Variants in MRTFB observed in about 807,000 individuals in gnomAD.
MRTFB encodes the protein myocardin related transcription factor B.
A neutral mutation model predicts 104.2 loss-of-function variants in MRTFB; 29 were observed. That is an observed-to-expected ratio of 0.28 (90% CI 0.21 to 0.38). The LOEUF (loss-of-function observed/expected upper bound fraction) is 0.38, where lower values mean the gene tolerates loss of function less well. Among genes scored for constraint, MRTFB ranks in the 10% least tolerant of loss-of-function variants. The pLI is 1.00. For synonymous variants in MRTFB, 535 were observed against 519.5 expected (o/e 1.03, Z -0.41); for missense variants, 1,270 against 1,341.6 (o/e 0.95, Z 0.83).
intron 4 of MRTFB, 72 bp from the exon 5 acceptor site, chr16:14,212,282 C>A: frequency 6.9e-7 from 1 of 1,440,356 alleles, no homozygotes; most frequent in Non-Finnish European, 9.7e-7. Context: ...GGGTTATCAC[C>A]ATGGTATACT....
intron 3 of MRTFB, chr16:14,153,241 T>A (rs1358196602): frequency 6.6e-6 from 1 of 152,164 alleles, no homozygotes; most frequent in African/African-American, 2.4e-5. Context: ...AAAAGATAAA[T>A]GTGTGTGTTA....
intron 8 of MRTFB, among the ~76,000 whole-genome samples, chr16:14,228,972 T>C (rs766819831): frequency 3.4e-4 from 51 of 152,226 alleles, no homozygotes; most frequent in Non-Finnish European, 6.3e-4. Context: ...CTTGGGAACA[T>C]GAACAAGTCT....
intron 3 of MRTFB, among the ~76,000 whole-genome samples, chr16:14,207,498 C>A (rs1017276928): frequency 6.6e-6 from 1 of 152,136 alleles, no homozygotes; most frequent in African/African-American, 2.4e-5. Context: ...TGGTCTTAGT[C>A]CCCAGTTCTT....
At chr16:14,000,468 T>C in the MRTFB span, among the ~76,000 whole-genome samples, 1 of 152,088 alleles carries the variant, frequency 6.6e-6, no homozygotes, top group Admixed American at 6.6e-5. Flanking sequence ...AGGGCCGGGG[T>C]CTCCCCATTT....
chr16:14,091,693 A>T (rs1204340493), intron 2 of MRTFB, among the ~76,000 whole-genome samples: 1 of 152,112 alleles, frequency 6.6e-6, no homozygotes, highest in Non-Finnish European at 1.5e-5. Context: ...AATAAGGGAA[A>T]GGTCAAGAAT....
intron 2 of MRTFB, among the ~76,000 whole-genome samples, chr16:14,105,478 G>A (rs2035926288): frequency 6.6e-6 from 1 of 151,850 alleles, no homozygotes; most frequent in Non-Finnish European, 1.5e-5. Context: ...GCTCACTGCA[G>A]CCTTAAACTC....
rs138917129 is a variant in MRTFB, at chr16:14,218,930, G to C, written c.625G>C (p.Ala209Pro). The change falls in exon 8 of 17, where the codon GCC becomes CCC. Residue 209 changes from alanine (A) to proline (P), a missense_variant. This residue lies in a region of MRTFB where 1,144 missense variants were observed against 1,131.5 expected (regional missense o/e 1.01). Coordinates refer to ENST00000571589, the MANE Select transcript of MRTFB (RefSeq NM_001308142.2). ...TGCGAGTCAGGAGTCACAGGGGTCA[G>C]CCGCGTCCCCAAGTGAGCCAAAAGT... ...QPASQESQGS[A>P]ASPSEPKVSE... 1.2e-6 allele frequency: 2 copies of C among 1,614,116 alleles called. No individual in the cohort carries two copies. Among genetic ancestry groups the C allele is most frequent in the East Asian group, 2.2e-5 (1 of 44,886 alleles).
chr16:14,069,030 T>C (rs960473331), upstream of MRTFB, among the ~76,000 whole-genome samples: 4 of 141,184 alleles, frequency 2.8e-5, no homozygotes, highest in Admixed American at 7.6e-5. Flanking sequence ...AGTTCAATAA[T>C]GCAATCTCAG....
At chr16:14,006,347 GA>G in the MRTFB span, among the ~76,000 whole-genome samples, 47 of 141,090 alleles carry the variant, frequency 3.3e-4, no homozygotes, top group East Asian at 8.2e-4. Context: ...CGTCTCAAAA[GA>G]AAAAAAAAAA....
intron 3 of MRTFB, chr16:14,141,523 T>C (rs2037996466): frequency 6.6e-6 from 1 of 152,206 alleles, no homozygotes; most frequent in African/African-American, 2.4e-5. Context: ...TCCACAGTTC[T>C]GATGAGTCCC....
At chr16:14,241,809 C>G (rs1333625313) in intron 10 of MRTFB, among the ~76,000 whole-genome samples, 1 of 151,984 alleles carries the variant, frequency 6.6e-6, no homozygotes, top group Admixed American at 6.6e-5. Context: ...ATTTTAAGAG[C>G]AGGCAGGCCC....
chr16:14,064,623 G>A, the MRTFB span, among the ~76,000 whole-genome samples: 1 of 152,154 alleles, frequency 6.6e-6, no homozygotes, highest in African/African-American at 2.4e-5. Context: ...AATCCATCGA[G>A]TTGATTTTTG....
the MRTFB span, among the ~76,000 whole-genome samples, chr16:14,012,227 T>G: frequency 7.0e-6 from 1 of 143,768 alleles, no homozygotes; most frequent in Non-Finnish European, 1.5e-5. Context: ...TCTTTTTCTT[T>G]TTTTTCTTTT....
At position 14,266,001 on chromosome 16, in the gene MRTFB, G is replaced by A. The variant is rs1452123115; in HGVS notation, c.*4557G>A. 1.3e-5 allele frequency: 2 copies of A among 152,192 alleles called. No homozygotes were observed. The highest frequency in any genetic ancestry group is 4.8e-5 in the African/African-American group (2 of 41,434). The allele number at this position is 152,192 out of a possible 1,614,324, so 9.4% of individuals were successfully genotyped here. On this transcript the variant is annotated 3_prime_UTR_variant, in exon 17 of 17. Transcript: ENST00000571589. The stretch of plus-strand genomic sequence containing the variant: ...GAATCTTGCTAATTTGGTAGGAAGA[G>A]GAAGCATTTAGGAAAGGGTTTAGTA...
chr16:14,148,106 A>G (rs1433003882), intron 3 of MRTFB, among the ~76,000 whole-genome samples: 2 of 152,210 alleles, frequency 1.3e-5, no homozygotes, highest in Non-Finnish European at 1.5e-5. Context: ...TTATTAAGAA[A>G]TAGTCTTTGC....
At chr16:14,144,597 T>C (rs1374598487) in intron 3 of MRTFB, 1 of 152,162 alleles carries the variant, frequency 6.6e-6, no homozygotes, top group African/African-American at 2.4e-5. Flanking sequence ...AATGATGTGT[T>C]AATTCAATTG....
In MRTFB at chr16:14,246,709, A is replaced by C. The variant is rs768632371; in HGVS notation, c.1449A>C (p.Ala483=). 14 of 1,614,244 alleles carry C rather than the reference A, an allele frequency of 8.7e-6. No individual in the cohort carries two copies. In the South Asian group the frequency reaches 1.4e-4, roughly 16 times the overall value. The change falls in exon 12 of 17, where the codon GCA becomes GCC. Residue 483 remains alanine (A), a synonymous_variant. Transcript: ENST00000571589. ...CTAGCTCAGTCTCTACTCTCAAGGC[A>C]GAATTGCCACCTACAGGAACCAGCA... is the stretch of plus-strand genomic sequence containing the variant. ...TVTSSVSTLK[A]ELPPTGTSNA...
At chr16:14,031,524 G>A in the MRTFB span, among the ~76,000 whole-genome samples, 142 of 151,964 alleles carry the variant, frequency 9.3e-4, 1 homozygote, top group Non-Finnish European at 1.8e-3. Context: ...ATGAGTATTC[G>A]TATTGTCCTT....
the MRTFB span, among the ~76,000 whole-genome samples, chr16:14,012,180 G>A: frequency 6.6e-6 from 1 of 151,812 alleles, no homozygotes; most frequent in South Asian, 2.1e-4. Context: ...ACTCAACGCA[G>A]GTGCAAACTA....
Sources: allele counts gnomAD v4.1 joint callset (sites outside exome capture counted in the v4.1 genomes callset), GRCh38; gene constraint gnomAD v4.1.1; regional missense constraint gnomAD v4.1.1; transcripts MANE v1.5; gene names NCBI Gene and HGNC (gene_info 2026-07-23, HGNC 2026-07-21).